Variants in BMPER observed in about 807,000 individuals in gnomAD.
The protein encoded by BMPER is BMP-binding endothelial regulator protein.
BMPER carries 45 observed loss-of-function variants against 87.3 expected under a neutral mutation model. That is an observed-to-expected ratio of 0.52 (90% CI 0.41 to 0.66). The LOEUF is 0.66. Ranked by LOEUF, BMPER falls within the 30% of genes least tolerant of loss-of-function variation. The pLI is 0.00. For synonymous variants in BMPER, 326 were observed against 316.2 expected (o/e 1.03, Z -0.33); for missense variants, 784 against 867.5 (o/e 0.90, Z 1.21).
intron 6 of BMPER, among the ~76,000 whole-genome samples, chr7:34,041,013 A>G (rs1046606265): frequency 3.3e-5 from 5 of 152,218 alleles, no homozygotes; most frequent in Non-Finnish European, 7.3e-5. Context: ...CAGGGAAGAC[A>G]CAAGAGACGT....
chr7:33,996,464 C>A (rs1786414617), intron 6 of BMPER, among the ~76,000 whole-genome samples: 1 of 152,158 alleles, frequency 6.6e-6, no homozygotes, highest in African/African-American at 2.4e-5. Context: ...AGAAACCTAC[C>A]AAATGGCTTC....
At chr7:34,045,335 C>T (rs924660390) in intron 6 of BMPER, among the ~76,000 whole-genome samples, 10 of 151,610 alleles carry the variant, frequency 6.6e-5, no homozygotes, top group Non-Finnish European at 1.3e-4. Flanking sequence ...TTATTTCTAC[C>T]CCAGCTTTCT....
At chr7:33,954,371 C>T (rs557833389) in intron 3 of BMPER, among the ~76,000 whole-genome samples, 4 of 152,304 alleles carry the variant, frequency 2.6e-5, no homozygotes, top group South Asian at 4.1e-4. Flanking sequence ...GAGCCACTGG[C>T]GTCTAATGTT....
intron 3 of BMPER, among the ~76,000 whole-genome samples, chr7:33,944,582 C>T (rs922083578): frequency 2.6e-5 from 4 of 152,148 alleles, no homozygotes; most frequent in African/African-American, 9.7e-5. Context: ...TGTTTTGAAA[C>T]TTCTAATACA....
chr7:33,988,714 A>G (rs954834641), intron 6 of BMPER, among the ~76,000 whole-genome samples: 30 of 151,152 alleles, frequency 2.0e-4, no homozygotes, highest in Non-Finnish European at 3.7e-4. Flanking sequence ...CGCTGTACCC[A>G]CTAACTCGTC....
intron 13 of BMPER, among the ~76,000 whole-genome samples, chr7:34,089,953 AT>A (rs369860313): frequency 0.014 from 2,131 of 152,114 alleles, 52 homozygotes; most frequent in African/African-American, 0.049. Flanking sequence ...TGTTTTGGGA[AT>A]TTTTTTTAAG....
intron 10 of BMPER, among the ~76,000 whole-genome samples, chr7:34,060,319 A>T (rs1210976584): frequency 6.6e-6 from 1 of 151,610 alleles, no homozygotes; most frequent in Non-Finnish European, 1.5e-5. Context: ...GCTCTGCTGC[A>T]TTGGGATAAA....
intron 7 of BMPER, among the ~76,000 whole-genome samples, chr7:34,048,803 C>T (rs1788062176): frequency 6.6e-6 from 1 of 152,144 alleles, no homozygotes; most frequent in Non-Finnish European, 1.5e-5. Context: ...GCTAGACCCC[C>T]ATGGAATGAC....
chr7:33,980,993 G>T (rs569551212), intron 6 of BMPER, among the ~76,000 whole-genome samples: 2 of 152,326 alleles, frequency 1.3e-5, no homozygotes, highest in East Asian at 3.9e-4. Flanking sequence ...TGGCTTCCCT[G>T]TCTCTTAGAC....
At chr7:34,115,426 AT>A (rs1342415292) in intron 13 of BMPER, among the ~76,000 whole-genome samples, 1 of 152,230 alleles carries the variant, frequency 6.6e-6, no homozygotes, top group Non-Finnish European at 1.5e-5. Context: ...TGCATATAAA[AT>A]TGATTGTCAG....
chr7:34,057,724 A>T (rs1788320733), intron 9 of BMPER, among the ~76,000 whole-genome samples: 1 of 152,168 alleles, frequency 6.6e-6, no homozygotes, highest in Non-Finnish European at 1.5e-5. Context: ...ATGAAAATTC[A>T]TGCTTGGTTT....
intron 6 of BMPER, among the ~76,000 whole-genome samples, chr7:34,019,556 C>T (rs763851198): frequency 2.6e-5 from 4 of 152,058 alleles, no homozygotes; most frequent in African/African-American, 4.8e-5. Context: ...TTGGTCTCCT[C>T]CTTGAAGTGA....
chr7:33,922,113 G>C, intron 2 of BMPER: 1 of 265,878 alleles, frequency 3.8e-6, no homozygotes, highest in South Asian at 3.7e-5. Context: ...AAGTCAAGCC[G>C]ACCAGGCTCT....
At chr7:33,906,744 G>A in intron 1 of BMPER, 74 bp from the exon 2 acceptor site, 1 of 1,371,306 alleles carries the variant, frequency 7.3e-7, no homozygotes, top group South Asian at 1.2e-5. Context: ...AAGGATTAGT[G>A]TAAAAATTTT....
chr7:33,938,843 T>G (rs1392612241), intron 3 of BMPER, among the ~76,000 whole-genome samples: 2 of 152,038 alleles, frequency 1.3e-5, no homozygotes, highest in Non-Finnish European at 2.9e-5. Context: ...CTGGCCAACA[T>G]GATGAAACCC....
intron 13 of BMPER, among the ~76,000 whole-genome samples, chr7:34,109,473 T>C (rs59507160): frequency 0.17 from 26,102 of 152,258 alleles, 2,408 homozygotes; most frequent in Non-Finnish European, 0.2. Flanking sequence ...CCCAGTCAAG[T>C]TGACATGTAA....
intron 13 of BMPER, among the ~76,000 whole-genome samples, chr7:34,120,445 C>T (rs1304160314): frequency 1.3e-5 from 2 of 151,460 alleles, no homozygotes; most frequent in African/African-American, 4.8e-5. Flanking sequence ...GTTGCCCAGA[C>T]TGGAGTGCGA....
intron 11 of BMPER, among the ~76,000 whole-genome samples, chr7:34,075,027 T>C (rs1458939225): frequency 6.6e-6 from 1 of 151,708 alleles, no homozygotes; most frequent in Non-Finnish European, 1.5e-5. Flanking sequence ...TTTTAGAACA[T>C]GTGATTGTAT....
At chr7:33,905,146 T>C (rs1015513714), upstream of BMPER, 1 of 186,556 alleles carries the variant, frequency 5.4e-6, no homozygotes, top group African/African-American at 2.4e-5. Context: ...TGGCAGGAGG[T>C]GAGGAGTGCG....
Sources: gnomAD v4.1 joint callset for allele counts (sites outside exome capture counted in the v4.1 genomes callset) on GRCh38, gnomAD v4.1.1 for gene constraint, MANE v1.5 for transcripts, NCBI Gene and HGNC (gene_info 2026-07-23, HGNC 2026-07-21) for gene names.